Variants in DUX4 observed in about 807,000 individuals in gnomAD.
The protein encoded by DUX4 is double homeobox 4.
intron 1 of DUX4, among the ~76,000 whole-genome samples, chr4:190,181,286 ATG>A (rs1742561350): frequency 6.8e-6 from 1 of 146,874 alleles, no homozygotes; most frequent in Non-Finnish European, 1.5e-5. Context: ...ATATGTGACA[ATG>A]CCGCCAGTAG....
downstream of DUX4, among the ~76,000 whole-genome samples, chr4:190,178,805 T>TAATCA (rs1742453396): frequency 6.7e-6 from 1 of 149,546 alleles, no homozygotes; most frequent in African/African-American, 2.4e-5. Flanking sequence ...ATCACTTGGG[T>TAATCA]GATCAGTGGC....
chr4:190,181,500 A>AAAGGCAGAGCCTGGACAAGAAT (rs1742575549), intron 1 of DUX4, among the ~76,000 whole-genome samples: 2 of 139,982 alleles, frequency 1.4e-5, no homozygotes, highest in Non-Finnish European at 3.2e-5. Context: ...AAGGCCCCCT[A>AAAGGCAGAGCCTGGACAAGAAT]TAGGCAGAGC....
intron 1 of DUX4, among the ~76,000 whole-genome samples, chr4:190,181,726 T>C (rs2126585102): frequency 6.9e-6 from 1 of 145,200 alleles, no homozygotes; most frequent in Non-Finnish European, 1.5e-5. Flanking sequence ...AACACAAGAG[T>C]TACATCACCT....
At chr4:190,183,749 C>A (rs1384733017) in intron 1 of DUX4, among the ~76,000 whole-genome samples, 1 of 115,662 alleles carries the variant, frequency 8.6e-6, no homozygotes, top group Non-Finnish European at 2.0e-5. Context: ...ACTCCAAATA[C>A]TTATGAATGG....
At chr4:190,181,723 G>A (rs1275382000) in intron 1 of DUX4, among the ~76,000 whole-genome samples, 1 of 48,960 alleles carries the variant, frequency 2.0e-5, no homozygotes, top group Admixed American at 2.4e-4. Context: ...TCCAACACAA[G>A]AGTTACATCA....
At chr4:190,179,578 ATGC>A (rs1742504582), downstream of DUX4, among the ~76,000 whole-genome samples, 3 of 151,200 alleles carry the variant, frequency 2.0e-5, no homozygotes, top group Admixed American at 6.6e-5. Flanking sequence ...ATATGTCACA[ATGC>A]TGTGTAGCCA....
chr4:190,176,409 G>T (rs1428546186), downstream of DUX4, among the ~76,000 whole-genome samples: 3 of 110,016 alleles, frequency 2.7e-5, no homozygotes, highest in African/African-American at 8.1e-5. Context: ...ACATCACCTT[G>T]GGGATCAGTG....
At chr4:190,181,634 C>CA (rs1742587517) in intron 1 of DUX4, among the ~76,000 whole-genome samples, 65 of 8,406 alleles carry the variant, frequency 7.7e-3, no homozygotes, top group Admixed American at 0.011. Context: ...AGAAAGCCCC[C>CA]TGTAGGCAGA....
rs1323658693 is a variant in DUX4 at position 190,175,270 on chromosome 4, C to T, written c.*222C>T. ...GGCATCCCGGGGATCCCAGAGCCGG[C>T]CCAGGTACCAGCAGGTGGGCCGCCT... is the stretch of plus-strand genomic sequence containing the variant. On this transcript the variant is annotated 3_prime_UTR_variant, in exon 1 of 2. Coordinates refer to ENST00000565211, the MANE Select transcript of DUX4 (RefSeq NM_001306068.3). 0.15 allele frequency: 10,015 copies of T among 67,142 alleles called. 2 individuals are homozygous for T. Among genetic ancestry groups the T allele is most frequent in the Non-Finnish European group, 0.2 (6,300 of 30,972 alleles). 4.2% of individuals were successfully genotyped at this position (67,142 alleles called of 1,614,324 possible). A position where few individuals can be genotyped will look rare whatever the true frequency, so the allele number is the denominator to read the frequency against.
intron 1 of DUX4, among the ~76,000 whole-genome samples, chr4:190,182,921 T>A (rs1742618293): frequency 3.7e-5 from 1 of 26,760 alleles, no homozygotes; most frequent in African/African-American, 7.4e-5. Context: ...GGTTAGGGGT[T>A]AGGCTTAGGC....
chr4:190,179,618 G>A (rs1579835790), downstream of DUX4, among the ~76,000 whole-genome samples: 4 of 152,116 alleles, frequency 2.6e-5, no homozygotes, highest in Non-Finnish European at 4.4e-5. Flanking sequence ...TACAGCACCT[G>A]GGAGATCAGT....
In DUX4 at chr4:190,183,218, C is replaced by G. The variant is rs1451767543; in HGVS notation, n.93-2123C>G. The G allele has an allele frequency of 8.9e-5, 9 of 101,484 alleles. 1 individual carries two copies. The highest frequency in any genetic ancestry group is 2.5e-4 in the African/African-American group (9 of 36,354). 6.3% of individuals were successfully genotyped at this position (101,484 alleles called of 1,614,324 possible). A position where few individuals can be genotyped will look rare whatever the true frequency, so the allele number is the denominator to read the frequency against. On this transcript the variant is annotated intron_variant and non_coding_transcript_variant, in intron 1 of 2. Transcript: ENST00000563716. The stretch of plus-strand genomic sequence containing the variant: ...ATAATAAATTATTATTTATATTACA[C>G]TATTACTTAATATATAGGCTATTAA...
chr4:190,175,489 G>T (rs1742240702), intron 1 of DUX4, among the ~76,000 whole-genome samples, 158 bp from the exon 2 acceptor site: 1 of 46,724 alleles, frequency 2.1e-5, no homozygotes, highest in African/African-American at 5.0e-5. Flanking sequence ...GCCCCGCGCA[G>T]CGTCCGGGCC....
downstream of DUX4, among the ~76,000 whole-genome samples, chr4:190,178,567 T>TTGC (rs1742433691): frequency 1.0e-4 from 15 of 143,562 alleles, no homozygotes; most frequent in African/African-American, 3.4e-4. Flanking sequence ...ACGCCCCCTG[T>TTGC]AGGCAGAGGG....
downstream of DUX4, among the ~76,000 whole-genome samples, chr4:190,176,674 A>G (rs1579831852): frequency 8.8e-6 from 1 of 113,886 alleles, no homozygotes; most frequent in Non-Finnish European, 2.0e-5. Context: ...CAAGAGTTTC[A>G]TCACTTGGTT....
downstream of DUX4, among the ~76,000 whole-genome samples, chr4:190,178,891 G>GTCAC (rs1742461177): frequency 2.8e-5 from 1 of 36,074 alleles, no homozygotes; most frequent in Non-Finnish European, 5.6e-5. Flanking sequence ...GCAGATCTAT[G>GTCAC]TCACAATGCC....
chr4:190,182,304 TTAGGCTTAGGCTTAG>T (rs1742610496), intron 1 of DUX4: 1 of 115,720 alleles, frequency 8.6e-6, no homozygotes, highest in Non-Finnish European at 2.1e-5. Context: ...AGGCTTAGGG[TTAGGCTTAGGCTTAG>T]GGTAAGGCTT....
rs1334655084 is a variant in DUX4, at chr4:190,175,222, C to G, written c.*174C>G. The G allele has an allele frequency of 0.22, 21,828 of 99,366 alleles. 44 individuals are homozygous for G. Among genetic ancestry groups the G allele is most frequent in the African/African-American group, 0.29 (6,155 of 21,220 alleles). The allele number at this position is 99,366 out of a possible 1,614,324, so 6.2% of individuals were successfully genotyped here. On this transcript the variant is annotated 3_prime_UTR_variant, in exon 1 of 2. Transcript: ENST00000565211. ...AGGCCCGGTGAGAGACTCCACTCCG[C>G]GGAGAACTGCCTTTCTTTCCTGGGC... is the stretch of plus-strand genomic sequence containing the variant.
downstream of DUX4, among the ~76,000 whole-genome samples, chr4:190,177,126 C>T (rs1579832422): frequency 9.4e-3 from 1,282 of 136,718 alleles, no homozygotes; most frequent in Admixed American, 0.015. Context: ...ACAATGTCCC[C>T]TGTAGGCAGA....
Sources: allele counts gnomAD v4.1 joint callset (sites outside exome capture counted in the v4.1 genomes callset), GRCh38; gene constraint gnomAD v4.1.1; transcripts MANE v1.5; gene names NCBI Gene and HGNC (gene_info 2026-07-23, HGNC 2026-07-21).